Variants in PCDHGB1 observed in about 807,000 individuals in gnomAD.
The protein encoded by PCDHGB1 is protocadherin gamma subfamily B, 1.
PCDHGB1 carries 34 observed loss-of-function variants against 56.6 expected under a neutral mutation model. The ratio of observed to expected loss-of-function variants is 0.60; its 90% CI spans 0.46 to 0.80. PCDHGB1 has a LOEUF of 0.80. Ranked by LOEUF, PCDHGB1 falls within the 30% of genes least tolerant of loss-of-function variation. The pLI is 0.00. For missense variants in PCDHGB1, 1,278 were observed against 1,204.6 expected (o/e 1.06, Z -0.90); for synonymous variants, 561 against 505.9 (o/e 1.11, Z -1.46).
At chr5:141,375,525 T>C (rs1027901003) in intron 1 of PCDHGB1, 13 of 1,613,866 alleles carry the variant, frequency 8.1e-6, no homozygotes, top group African/African-American at 1.3e-5. Context: ...GACCCTGACG[T>C]GGACCAGAAC....
intron 1 of PCDHGB1, chr5:141,383,403 G>A: frequency 6.2e-7 from 1 of 1,614,000 alleles, no homozygotes; most frequent in Non-Finnish European, 8.5e-7. Flanking sequence ...ACTCCCTCCA[G>A]AGTTACCAGC....
At chr5:141,372,252 G>A (rs768560692) in intron 1 of PCDHGB1, 4 of 1,613,140 alleles carry the variant, frequency 2.5e-6, no homozygotes, top group Admixed American at 1.7e-5. Context: ...GTTCAGCCTG[G>A]GCCTGCGCAC....
intron 1 of PCDHGB1, chr5:141,405,129 G>C: frequency 6.2e-7 from 1 of 1,613,964 alleles, no homozygotes. Flanking sequence ...CATCTGCTGC[G>C]GGCTACCAGT....
chr5:141,384,216 C>T (rs1342379342), intron 1 of PCDHGB1: 1 of 1,613,896 alleles, frequency 6.2e-7, no homozygotes, highest in Non-Finnish European at 8.5e-7. Context: ...CTCACATATT[C>T]ATGCAGGTGG....
At chr5:141,355,332 G>A (rs557704371) in intron 1 of PCDHGB1, 1 of 1,614,032 alleles carries the variant, frequency 6.2e-7, no homozygotes, top group South Asian at 1.1e-5. Flanking sequence ...AAGGCTCAGT[G>A]GTGGGCAACA....
chr5:141,380,340 TG>T (rs1383873697), intron 1 of PCDHGB1, among the ~76,000 whole-genome samples: 2 of 152,164 alleles, frequency 1.3e-5, no homozygotes, highest in Non-Finnish European at 2.9e-5. Flanking sequence ...TTCAAAGAAC[TG>T]TTTTGTTGTT....
intron 1 of PCDHGB1, chr5:141,374,909 G>A (rs1357561534): frequency 6.2e-7 from 1 of 1,613,824 alleles, no homozygotes; most frequent in East Asian, 2.2e-5. Flanking sequence ...AGTCCACGGG[G>A]AAGTAACTTA....
At chr5:141,463,553 A>G (rs1163004575) in intron 1 of PCDHGB1, among the ~76,000 whole-genome samples, 3 of 140,962 alleles carry the variant, frequency 2.1e-5, no homozygotes, top group Non-Finnish European at 4.5e-5. Context: ...GGTTCATGCC[A>G]TTCTCCTGCC....
At chr5:141,374,714 G>T (rs1236113306) in intron 1 of PCDHGB1, 1 of 1,609,850 alleles carries the variant, frequency 6.2e-7, no homozygotes, top group Non-Finnish European at 8.5e-7. Flanking sequence ...TTACCGCCTG[G>T]TCCTTACTGC....
chr5:141,384,766 A>G, intron 1 of PCDHGB1: 2 of 1,613,916 alleles, frequency 1.2e-6, no homozygotes, highest in Non-Finnish European at 1.7e-6. Flanking sequence ...TGGGCTGTAC[A>G]CGGGCGAGGT....
At chr5:141,500,045 T>C (rs2099796072) in intron 2 of PCDHGB1, among the ~76,000 whole-genome samples, 1 of 152,062 alleles carries the variant, frequency 6.6e-6, no homozygotes, top group South Asian at 2.1e-4. Flanking sequence ...CTTAAGTATC[T>C]TAATGCTCTT....
rs2099710738 is a variant in PCDHGB1, at chr5:141,491,331, T to C, written c.2410-3476T>C. 6.2e-7 allele frequency: 1 copy of C among 1,614,170 alleles called. No homozygotes were observed. The highest frequency in any genetic ancestry group is 8.5e-7 in the Non-Finnish European group (1 of 1,180,018). On this transcript the variant is annotated intron_variant, in intron 1 of 3. Coordinates refer to ENST00000523390, the MANE Select transcript of PCDHGB1 (RefSeq NM_018922.3). The surrounding 1 kb of genome is among the most constrained non-coding windows in gnomAD (Gnocchi z 6.9). ...ACCTTACCCTTTACCTCATTGTGGC[T>C]CTAGCGACCGTCAGTCTCTTATCCC...
chr5:141,372,689 T>C (rs1465173410), intron 1 of PCDHGB1: 1 of 1,614,032 alleles, frequency 6.2e-7, no homozygotes. Flanking sequence ...ACACCGAGTT[T>C]AAATTTCTCA....
chr5:141,486,189 A>T lies in PCDHGB1; in HGVS notation c.2410-8618A>T, dbSNP rs761466492. 6.2e-7 allele frequency: 1 copy of T among 1,614,062 alleles called. No individual in the cohort carries two copies. Among genetic ancestry groups the T allele is most frequent in the Non-Finnish European group, 8.5e-7 (1 of 1,179,994 alleles). ...GAGCAACATTGCAGCCTTCGAGTGG[A>T]TCTGCTGGACGTAAATGACAATGCC... is the stretch of plus-strand genomic sequence containing the variant. On this transcript the variant is annotated intron_variant, in intron 1 of 3. Coordinates refer to ENST00000523390, the MANE Select transcript of PCDHGB1 (RefSeq NM_018922.3). The surrounding 1 kb of genome is among the most constrained non-coding windows in gnomAD (Gnocchi z 5.0).
chr5:141,446,917 C>G (rs979679080), intron 1 of PCDHGB1, among the ~76,000 whole-genome samples: 1 of 152,108 alleles, frequency 6.6e-6, no homozygotes, highest in South Asian at 2.1e-4. Flanking sequence ...TTTTATTTAT[C>G]TTCCTGATCT....
Position 141,491,706 on chromosome 5 carries a change from G to T in PCDHGB1, c.2410-3101G>T. 6.2e-7 allele frequency: 1 copy of T among 1,611,088 alleles called. No individual in the cohort carries two copies. Among genetic ancestry groups the T allele is most frequent in the Non-Finnish European group, 8.5e-7 (1 of 1,178,772 alleles). On this transcript the variant is annotated intron_variant, in intron 1 of 3. Coordinates refer to ENST00000523390, the MANE Select transcript of PCDHGB1 (RefSeq NM_018922.3). The surrounding 1 kb of genome is among the most constrained non-coding windows in gnomAD (Gnocchi z 6.9). Reference sequence around the variant, plus strand: ...CGCTGCGGGAGCGGAGCCAGGTGAGGGGCTCGGCGCCGCCCCGGGCGACCC... The same window carrying T: ...CGCTGCGGGAGCGGAGCCAGGTGAGTGGCTCGGCGCCGCCCCGGGCGACCC...
At chr5:141,474,090 AAACAACAACAAAAAC>A (rs1459798801) in intron 1 of PCDHGB1, among the ~76,000 whole-genome samples, 1 of 152,206 alleles carries the variant, frequency 6.6e-6, no homozygotes, top group African/African-American at 2.4e-5. Flanking sequence ...ACCAAAAAAC[AAACAACAACAAAAAC>A]AACAACAACG....
intron 1 of PCDHGB1, chr5:141,422,778 C>T (rs1041081332): frequency 1.9e-6 from 3 of 1,613,932 alleles, no homozygotes; most frequent in Admixed American, 1.7e-5. Flanking sequence ...TTCTCTATGC[C>T]CTACAATCCT....
At chr5:141,357,280 G>A (rs375096659) in intron 1 of PCDHGB1, 7 of 1,613,820 alleles carry the variant, frequency 4.3e-6, no homozygotes, top group African/African-American at 2.7e-5. Flanking sequence ...ACTCTATCTC[G>A]TGGTGGCAGT....
Sources: gnomAD v4.1 joint callset for allele counts (sites outside exome capture counted in the v4.1 genomes callset) on GRCh38, gnomAD v4.1.1 for gene constraint, Gnocchi (gnomAD v3.1) non-coding constraint, MANE v1.5 for transcripts, NCBI Gene and HGNC (gene_info 2026-07-23, HGNC 2026-07-21) for gene names.